The following LTBP1 variants were observed in gnomAD, a reference collection of about 807,000 sequenced individuals.
The protein encoded by LTBP1 is latent-transforming growth factor beta-binding protein 1.
Under a neutral mutation model 207.6 loss-of-function variants are expected in LTBP1, and 129 were observed. The ratio of observed to expected loss-of-function variants is 0.62; its 90% CI spans 0.54 to 0.72. The LOEUF is 0.72. Ranked by LOEUF, LTBP1 falls within the 30% of genes least tolerant of loss-of-function variation. LTBP1 has a pLI of 0.00. For missense variants in LTBP1, 2,281 were observed against 2,217.2 expected (o/e 1.03, Z -0.58); for synonymous variants, 963 against 833.7 (o/e 1.16, Z -2.67).
rs561223146 is a variant in LTBP1 at position 33,062,612 on chromosome 2, A to G, written c.863+41406A>G. ...TTATCAAAAAATCAGTTGACCATATATATGTGAGTCTATTTGGGAGTTTCC... is the reference window on the plus strand; with the variant it reads ...TTATCAAAAAATCAGTTGACCATATGTATGTGAGTCTATTTGGGAGTTTCC... On this transcript the variant is annotated intron_variant, in intron 3 of 33. Transcript: ENST00000404816. Among the ~76,000 whole-genome samples the G allele has an allele frequency of 2.6e-5, 4 of 152,248 alleles. No homozygotes were observed. The South Asian group carries it at 8.3e-4, about 32-fold the overall frequency.
At chr2:33,029,861 A>G (rs2075610101) in intron 3 of LTBP1, among the ~76,000 whole-genome samples, 1 of 152,240 alleles carries the variant, frequency 6.6e-6, no homozygotes, top group African/African-American at 2.4e-5. Context: ...GTTTGACCAG[A>G]AATTGTTTAT....
At chr2:33,254,852 G>GTTTTTTTTTT (rs70938393) in intron 11 of LTBP1, among the ~76,000 whole-genome samples, 25 of 10,362 alleles carry the variant, frequency 2.4e-3, no homozygotes, top group Non-Finnish European at 2.9e-3. Context: ...GCGGTGTTTG[G>GTTTTTTTTTT]TTTTTTTTTT....
intron 3 of LTBP1, among the ~76,000 whole-genome samples, chr2:33,041,187 A>T (rs1487595025): frequency 2.0e-5 from 3 of 152,070 alleles, no homozygotes; most frequent in Non-Finnish European, 4.4e-5. Context: ...TGTGTTGCTC[A>T]CTGTCTTGTC....
chr2:33,006,775 C>T (rs1238001705), intron 2 of LTBP1, among the ~76,000 whole-genome samples: 1 of 150,638 alleles, frequency 6.6e-6, no homozygotes, highest in Non-Finnish European at 1.5e-5. Flanking sequence ...CTGATGAGCC[C>T]TTAAAGTCCA....
intron 3 of LTBP1, among the ~76,000 whole-genome samples, chr2:33,093,810 GATT>G (rs2079237082): frequency 6.6e-6 from 1 of 151,548 alleles, no homozygotes; most frequent in East Asian, 1.9e-4. Context: ...TGATGATGAT[GATT>G]ATCATCATCA....
At chr2:33,222,853 A>T (rs1256316654) in intron 9 of LTBP1, among the ~76,000 whole-genome samples, 1 of 152,192 alleles carries the variant, frequency 6.6e-6, no homozygotes, top group African/African-American at 2.4e-5. Context: ...CCCATATATG[A>T]TATCATATTT....
chr2:33,132,977 A>G lies in LTBP1; in HGVS notation c.1034-1816A>G, dbSNP rs574100113. On this transcript the variant is annotated intron_variant, in intron 4 of 33. Transcript: ENST00000404816. The stretch of plus-strand genomic sequence containing the variant: ...TACTGTGAGGCCAGATTTCAGCTCA[A>G]TAAAAAATAGTACTTGCTGGGAACT... Among the ~76,000 whole-genome samples the G allele has an allele frequency of 1.4e-4, 22 of 152,326 alleles. No individual in the cohort carries two copies. In the South Asian group the frequency reaches 4.6e-3, roughly 32 times the overall value.
intron 25 of LTBP1, 38 bp downstream of exon 25, chr2:33,343,001 T>G (rs1030708061): frequency 3.8e-6 from 6 of 1,586,928 alleles, no homozygotes; most frequent in Non-Finnish European, 5.2e-6. Flanking sequence ...GTTTCACATG[T>G]CCCTAGGGAA....
rs219170 is a variant in LTBP1, at chr2:33,001,407, C to G, written c.566-19502C>G. 4.5e-5 allele frequency among the ~76,000 whole-genome samples: 6 copies of G among 133,288 alleles called. 1 individual carries two copies. Among genetic ancestry groups the G allele is most frequent in the Non-Finnish European group, 9.9e-5 (6 of 60,860 alleles). The allele number at this position is 133,288 out of a possible 152,430, so 87.4% of individuals were successfully genotyped here. On this transcript the variant is annotated intron_variant, in intron 2 of 33. Coordinates refer to ENST00000404816, the MANE Select transcript of LTBP1 (RefSeq NM_206943.4). Reference sequence around the variant, plus strand: ...GTGGGACGTGAGAACTTGCATTTCTCGAAAGATTCCAGGTGGGACTGATGC... The same window carrying G: ...GTGGGACGTGAGAACTTGCATTTCTGGAAAGATTCCAGGTGGGACTGATGC...
Position 33,139,720 on chromosome 2 carries a change from G to A in LTBP1, c.1201+4760G>A, listed in dbSNP as rs141428448. Reference sequence around the variant, plus strand: ...AGTAAAGATGCATGGGGGAGTAGAGGGAAGAGAGAAGCAAAGTTGACATGG... The same window carrying A: ...AGTAAAGATGCATGGGGGAGTAGAGAGAAGAGAGAAGCAAAGTTGACATGG... On this transcript the variant is annotated intron_variant, in intron 5 of 33. Transcript: ENST00000404816. 4.0e-3 allele frequency among the ~76,000 whole-genome samples: 613 copies of A among 152,254 alleles called. 5 individuals carry two copies. Among genetic ancestry groups the A allele is most frequent in the African/African-American group, 0.014 (585 of 41,554 alleles).
chr2:33,140,742 A>T (rs899518232), intron 5 of LTBP1, among the ~76,000 whole-genome samples: 2 of 148,918 alleles, frequency 1.3e-5, no homozygotes, highest in African/African-American at 2.5e-5. Flanking sequence ...ATCTCAGCTC[A>T]CTGCAACCTC....
At chr2:33,188,447 A>AAAAAAATAATTT in intron 6 of LTBP1, 130 bp from the exon 7 acceptor site, 1 of 668,170 alleles carries the variant, frequency 1.5e-6, no homozygotes, top group Non-Finnish European at 2.5e-6. Context: ...AAAAAAAAGA[A>AAAAAAATAATTT]TTTTGATGGC....
At chr2:33,002,278 C>G (rs1213747923) in intron 2 of LTBP1, among the ~76,000 whole-genome samples, 1 of 152,146 alleles carries the variant, frequency 6.6e-6, no homozygotes, top group African/African-American at 2.4e-5. Flanking sequence ...TGAACAAATG[C>G]AAGGGGTGAG....
intron 31 of LTBP1, among the ~76,000 whole-genome samples, chr2:33,381,163 T>G (rs1490033388): frequency 6.6e-6 from 1 of 152,222 alleles, no homozygotes; most frequent in Non-Finnish European, 1.5e-5. Context: ...TGCTTGGATG[T>G]AAGACTTAAT....
At chr2:33,058,567 CA>C (rs2077119949) in intron 3 of LTBP1, among the ~76,000 whole-genome samples, 1 of 152,186 alleles carries the variant, frequency 6.6e-6, no homozygotes, top group Non-Finnish European at 1.5e-5. Flanking sequence ...ATGGAATCAC[CA>C]ATTTATAATG....
At chr2:32,981,863 C>A (rs1033390645) in intron 2 of LTBP1, among the ~76,000 whole-genome samples, 1 of 152,184 alleles carries the variant, frequency 6.6e-6, no homozygotes, top group East Asian at 1.9e-4. Context: ...CCTTTGCCTC[C>A]CCAGTCATGT....
At chr2:33,388,862 T>G (rs1003567418) in intron 31 of LTBP1, among the ~76,000 whole-genome samples, 1 of 152,204 alleles carries the variant, frequency 6.6e-6, no homozygotes, top group African/African-American at 2.4e-5. Flanking sequence ...AAAGCCATCC[T>G]TCCAAAAGGC....
chr2:32,946,982 C>T lies in LTBP1; in HGVS notation c.-343C>T. 1 of 193,868 alleles carries T rather than the reference C, an allele frequency of 5.2e-6. No individual in the cohort carries two copies. 12.0% of individuals were successfully genotyped at this position (193,868 alleles called of 1,614,324 possible). On this transcript the variant is annotated 5_prime_UTR_variant, in exon 1 of 34. Transcript: ENST00000404816. ...TGTCCCGCGCGCTCTCGCTCGCTCTCGGCCACCCTCGCCGGGCCCCGCTGC... is the reference window on the plus strand; with the variant it reads ...TGTCCCGCGCGCTCTCGCTCGCTCTTGGCCACCCTCGCCGGGCCCCGCTGC...
chr2:33,157,921 C>A (rs557743881), intron 5 of LTBP1, among the ~76,000 whole-genome samples: 34 of 152,206 alleles, frequency 2.2e-4, no homozygotes, highest in Non-Finnish European at 4.4e-4. Context: ...GCATGTGGAT[C>A]ATCTGAGGTC....
Sources: gnomAD v4.1 joint callset for allele counts (sites outside exome capture counted in the v4.1 genomes callset) on GRCh38, gnomAD v4.1.1 for gene constraint, MANE v1.5 for transcripts, NCBI Gene and HGNC (gene_info 2026-07-23, HGNC 2026-07-21) for gene names.